The following PAK4 variants were observed in gnomAD, a reference collection of about 807,000 sequenced individuals.
PAK4 encodes serine/threonine-protein kinase PAK 4.
Under a neutral mutation model 53.5 loss-of-function variants are expected in PAK4, and 49 were observed. That is an observed-to-expected ratio of 0.92 (90% CI 0.73 to 1.16). PAK4 has a LOEUF of 1.16. Among genes scored for constraint, PAK4 ranks in the 50% most tolerant of loss-of-function variants. The pLI is 0.00. For synonymous variants in PAK4, 376 were observed against 375.6 expected (o/e 1.00, Z -0.01); for missense variants, 824 against 850.7 (o/e 0.97, Z 0.39).
At chr19:39,160,241 C>A (rs900528006) in intron 1 of PAK4, among the ~76,000 whole-genome samples, 1 of 152,260 alleles carries the variant, frequency 6.6e-6, no homozygotes. Flanking sequence ...CATCCCCGTG[C>A]CCTGCGCCTC....
intron 1 of PAK4, among the ~76,000 whole-genome samples, chr19:39,166,518 A>T (rs1285777129): frequency 6.6e-6 from 1 of 152,248 alleles, no homozygotes; most frequent in Non-Finnish European, 1.5e-5. Context: ...ACTGAGGCAC[A>T]GCGTGGCTGA....
chr19:39,144,882 G>A (rs2073974794), intron 1 of PAK4, among the ~76,000 whole-genome samples: 1 of 152,124 alleles, frequency 6.6e-6, no homozygotes, highest in Non-Finnish European at 1.5e-5. Flanking sequence ...TCAGTTGTCA[G>A]GATCGCTCTC....
rs1568505437 is a variant in PAK4 at position 39,147,062 on chromosome 19, TCAATTG to T, written c.-23+21144_-23+21149del. ...TCAACTGACATTGACACTGTCATTG[TCAATTG>T]ACAATTGTCATTGTCAATTGTCAAT... On this transcript the variant is annotated intron_variant, in intron 1 of 8. Coordinates refer to ENST00000358301, the Ensembl canonical transcript of PAK4. Among the ~76,000 whole-genome samples, 55 of 25,614 alleles carry T rather than the reference TCAATTG, an allele frequency of 2.1e-3. 1 individual carries two copies. In the Middle Eastern group the frequency reaches 0.17, roughly 78 times the overall value. 16.8% of individuals were successfully genotyped at this position (25,614 alleles called of 152,430 possible).
intron 4 of PAK4, among the ~76,000 whole-genome samples, 187 bp downstream of exon 5, chr19:39,174,197 C>T (rs1253114739): frequency 6.6e-6 from 1 of 151,730 alleles, no homozygotes; most frequent in Non-Finnish European, 1.5e-5. Flanking sequence ...CCTCACAGCA[C>T]CCTCACCCAC....
chr19:39,128,168 A>G (rs146836513), intron 1 of PAK4, among the ~76,000 whole-genome samples: 5 of 152,302 alleles, frequency 3.3e-5, no homozygotes, highest in East Asian at 3.9e-4. Flanking sequence ...CAAGATGGGC[A>G]TAGTGTTAGC....
At chr19:39,149,437 G>A (rs372008148) in intron 1 of PAK4, among the ~76,000 whole-genome samples, 1 of 152,336 alleles carries the variant, frequency 6.6e-6, no homozygotes, top group East Asian at 1.9e-4. Context: ...AGGACCTAGA[G>A]TAGGCAAATA....
At chr19:39,167,943 T>G (rs1270100243) in intron 1 of PAK4, 1 of 152,376 alleles carries the variant, frequency 6.6e-6, no homozygotes, top group Non-Finnish European at 1.5e-5. Context: ...AAACTCCACC[T>G]GCATGTCCCC....
chr19:39,177,948 G>A (rs963859594), intron 8 of PAK4, 139 bp downstream of exon 9: 57 of 981,930 alleles, frequency 5.8e-5, no homozygotes, highest in Non-Finnish European at 7.0e-5. Flanking sequence ...CCCCACCCCC[G>A]GGCCTCATGT....
intron 1 of PAK4, among the ~76,000 whole-genome samples, chr19:39,163,697 A>G (rs1428513045): frequency 6.6e-6 from 1 of 152,226 alleles, no homozygotes; most frequent in Non-Finnish European, 1.5e-5. Flanking sequence ...TTCTGGGATC[A>G]AATACTGGAC....
In PAK4 at chr19:39,178,642, G is replaced by C. The variant is rs1487352453; in HGVS notation, c.*63G>C. ...GGTCACCCCCGCCCCACTGAGGCCA[G>C]TAGGGGGCCAGGCCTCCCACTCCTC... On this transcript the variant is annotated 3_prime_UTR_variant, in exon 9 of 9. Coordinates refer to ENST00000358301, the Ensembl canonical transcript of PAK4. The surrounding 1 kb of genome is among the most constrained non-coding windows in gnomAD (Gnocchi z 4.4). The C allele has an allele frequency of 3.5e-6, 5 of 1,440,332 alleles. No individual in the cohort carries two copies. The highest frequency in any genetic ancestry group is 1.4e-5 in the African/African-American group (1 of 69,600). The allele number at this position is 1,440,332 out of a possible 1,614,324, so 89.2% of individuals were successfully genotyped here.
intron 1 of PAK4, among the ~76,000 whole-genome samples, chr19:39,164,868 T>C (rs925951435): frequency 6.6e-6 from 1 of 152,090 alleles, no homozygotes. Context: ...CATGGGTCCC[T>C]TGTGGTGGTG....
chr19:39,148,876 T>G (rs983861144), intron 1 of PAK4, among the ~76,000 whole-genome samples: 1 of 152,168 alleles, frequency 6.6e-6, no homozygotes, highest in Admixed American at 6.5e-5. Context: ...CCGTTTGGCA[T>G]GTGGATGTCC....
At chr19:39,164,841 C>T (rs562141160) in intron 1 of PAK4, among the ~76,000 whole-genome samples, 1 of 152,276 alleles carries the variant, frequency 6.6e-6, no homozygotes, top group East Asian at 1.9e-4. Flanking sequence ...AGCTCAGCGT[C>T]AGCGTCTGCT....
chr19:39,172,182 C>T (rs1426514956), intron 2 of PAK4, among the ~76,000 whole-genome samples: 1 of 151,068 alleles, frequency 6.6e-6, no homozygotes. Flanking sequence ...AGCTGATGTT[C>T]CAGGCAGAGG....
intron 1 of PAK4, among the ~76,000 whole-genome samples, chr19:39,151,556 G>A (rs1351764586): frequency 6.6e-6 from 1 of 152,210 alleles, no homozygotes; most frequent in Non-Finnish European, 1.5e-5. Context: ...GCAAAAGACA[G>A]GAAACCACCA....
At chr19:39,131,415 C>T (rs1213013841) in intron 1 of PAK4, among the ~76,000 whole-genome samples, 1 of 152,184 alleles carries the variant, frequency 6.6e-6, no homozygotes, top group Admixed American at 6.5e-5. Flanking sequence ...GGCCAGACAC[C>T]GGTCAGGGGT....
At chr19:39,151,978 A>G (rs2145192328) in intron 1 of PAK4, 1 of 152,344 alleles carries the variant, frequency 6.6e-6, no homozygotes, top group South Asian at 2.1e-4. Flanking sequence ...CATGTTGGCC[A>G]GGCTGGTCTC....
Position 39,173,128 on chromosome 19 carries a change from G to T in PAK4, c.415G>T (p.Ala139Ser), listed in dbSNP as rs35655056. The T allele has an allele frequency of 6.5e-7, 1 of 1,546,796 alleles. No homozygotes were observed. Among genetic ancestry groups the T allele is most frequent in the African/African-American group, 1.4e-5 (1 of 73,064 alleles). The change falls in exon 3 of 9, where the codon GCC becomes TCC. Residue 139 changes from alanine (A) to serine (S), a missense_variant. By Grantham distance (99) the Ala-to-Ser change is moderately conservative. Around this residue, in one of 2 missense-constraint regions of PAK4, gnomAD observed 478 missense variants for 435.8 expected, o/e 1.10. Transcript: ENST00000358301. The surrounding 1 kb of genome is among the most constrained non-coding windows in gnomAD (Gnocchi z 6.9). Reference sequence around the variant, plus strand: ...GAAGGCAGGCAGCCGAGGCCGGTTCGCCGGTCACAGCGAGGCGGGTGGCGG... The same window carrying T: ...GAAGGCAGGCAGCCGAGGCCGGTTCTCCGGTCACAGCGAGGCGGGTGGCGG...
chr19:39,159,734 T>C (rs1200568945), intron 1 of PAK4, among the ~76,000 whole-genome samples: 1 of 152,028 alleles, frequency 6.6e-6, no homozygotes, highest in African/African-American at 2.4e-5. Flanking sequence ...AAGGTGAAGG[T>C]TGAGGGGGCA....
Sources: gnomAD v4.1 joint callset for allele counts (sites outside exome capture counted in the v4.1 genomes callset) on GRCh38, gnomAD v4.1.1 for gene constraint, gnomAD v4.1.1 regional missense constraint, Gnocchi (gnomAD v3.1) non-coding constraint, MANE v1.5 for transcripts, NCBI Gene and HGNC (gene_info 2026-07-23, HGNC 2026-07-21) for gene names.